The following NCAM2 variants were observed in gnomAD, a reference collection of about 807,000 sequenced individuals.
NCAM2 encodes the protein neural cell adhesion molecule 2.
A neutral mutation model predicts 98.1 loss-of-function variants in NCAM2; 30 were observed. The ratio of observed to expected loss-of-function variants is 0.31; its 90% CI spans 0.23 to 0.41. NCAM2 has a LOEUF of 0.41. NCAM2 is among the 10% of genes least tolerant of loss of function. NCAM2 has a pLI of 1.00. For missense variants in NCAM2, 867 were observed against 1,005.8 expected, an observed-to-expected ratio of 0.86 and a Z score of 1.87; for synonymous variants, 368 against 342.4, an observed-to-expected ratio of 1.07 and a Z score of -0.83.
At chr21:21,167,530 T>G (rs963673535) in intron 1 of NCAM2, among the ~76,000 whole-genome samples, 6 of 152,006 alleles carry the variant, frequency 3.9e-5, no homozygotes, top group African/African-American at 9.7e-5. Context: ...AAAATCAATG[T>G]TTAATAAGAT....
chr21:21,215,026 A>T (rs1017903052), intron 1 of NCAM2, among the ~76,000 whole-genome samples: 15 of 151,966 alleles, frequency 9.9e-5, no homozygotes, highest in African/African-American at 3.6e-4. Flanking sequence ...AAGTCTTTTG[A>T]ATACATTTAG....
chr21:21,471,445 A>T (rs2146234668), intron 14 of NCAM2, among the ~76,000 whole-genome samples: 1 of 152,026 alleles, frequency 6.6e-6, no homozygotes, highest in African/African-American at 2.4e-5. Context: ...AACCACATGA[A>T]CTCCACAGTG....
chr21:21,001,001 A>T (rs73228134), intron 1 of NCAM2, among the ~76,000 whole-genome samples: 7,572 of 152,276 alleles, frequency 0.05, 219 homozygotes, highest in Non-Finnish European at 0.058. Context: ...AAATACTAAA[A>T]TCTCAGCTTG....
At chr21:21,492,385 A>G (rs1484363249) in intron 15 of NCAM2, among the ~76,000 whole-genome samples, 1 of 151,882 alleles carries the variant, frequency 6.6e-6, no homozygotes, top group Non-Finnish European at 1.5e-5. Flanking sequence ...CTATGTGTAC[A>G]ACAACCACGG....
rs547451292 is a variant in NCAM2 at position 21,000,607 on chromosome 21, A to C, written c.55+1989A>C. ...GACAAGCATCTCTGAAGGGGAGCCC[A>C]TATTCACTGTAATGAAACAGGGTAG... On this transcript the variant is annotated intron_variant, in intron 1 of 17. Transcript: ENST00000400546. Among the ~76,000 whole-genome samples, 12 of 152,326 alleles carry C rather than the reference A, an allele frequency of 7.9e-5. No individual in the cohort carries two copies. In the South Asian group the frequency reaches 2.1e-3, roughly 26 times the overall value.
chr21:21,321,430 G>A (rs1054247351), intron 5 of NCAM2, among the ~76,000 whole-genome samples: 2 of 151,828 alleles, frequency 1.3e-5, no homozygotes, highest in African/African-American at 2.4e-5. Context: ...GGTCCCACTC[G>A]TCAATTTTTG....
chr21:21,343,906 C>A (rs1205843479), intron 8 of NCAM2, among the ~76,000 whole-genome samples: 1 of 152,132 alleles, frequency 6.6e-6, no homozygotes, highest in East Asian at 1.9e-4. Flanking sequence ...CATACAGATA[C>A]ACCAGCTGGG....
At position 21,341,968 on chromosome 21, in the gene NCAM2, A is replaced by G. The variant is rs2147892654; in HGVS notation, c.1044+3434A>G. On this transcript the variant is annotated intron_variant, in intron 8 of 17. Coordinates refer to ENST00000400546, the MANE Select transcript of NCAM2 (RefSeq NM_004540.5). Reference sequence around the variant, plus strand: ...TTGGGGTGGTCCTTTCTGAAAAGAAAAAAAGGAGTGGTTAGGAAGTGTATT... The same window carrying G: ...TTGGGGTGGTCCTTTCTGAAAAGAAGAAAAGGAGTGGTTAGGAAGTGTATT... Among the ~76,000 whole-genome samples, 3 of 152,246 alleles carry G rather than the reference A, an allele frequency of 2.0e-5. No individual in the cohort carries two copies. In the South Asian group the frequency reaches 6.2e-4, roughly 32 times the overall value.
intron 1 of NCAM2, among the ~76,000 whole-genome samples, chr21:21,277,607 TC>T (rs763637697): frequency 4.3e-4 from 65 of 152,172 alleles, no homozygotes; most frequent in Non-Finnish European, 7.7e-4. Context: ...TCCTAGGTGA[TC>T]ATAGCTGCAG....
intron 8 of NCAM2, among the ~76,000 whole-genome samples, chr21:21,349,190 G>C (rs185608493): frequency 6.6e-6 from 1 of 151,906 alleles, no homozygotes; most frequent in Non-Finnish European, 1.5e-5. Context: ...TACCTGACAA[G>C]GGATTAACCA....
At chr21:21,265,411 TA>T (rs200185044) in intron 1 of NCAM2, among the ~76,000 whole-genome samples, 1,130 of 59,654 alleles carry the variant, frequency 0.019, 40 homozygotes, top group African/African-American at 0.057. Flanking sequence ...TATATATGTG[TA>T]TATATAATAT....
chr21:21,337,753 T>C (rs1350031730), intron 7 of NCAM2, among the ~76,000 whole-genome samples: 1 of 151,946 alleles, frequency 6.6e-6, no homozygotes, highest in Admixed American at 6.6e-5. Context: ...TGATTAAAAA[T>C]TAGTTACGTT....
intron 1 of NCAM2, among the ~76,000 whole-genome samples, chr21:21,071,754 G>T (rs1260559813): frequency 1.3e-5 from 2 of 152,080 alleles, no homozygotes; most frequent in African/African-American, 4.8e-5. Context: ...TAATTAAAAT[G>T]GCATTTTAAT....
intron 1 of NCAM2, among the ~76,000 whole-genome samples, chr21:21,162,868 C>G (rs1250592534): frequency 6.6e-6 from 1 of 151,942 alleles, no homozygotes; most frequent in Non-Finnish European, 1.5e-5. Flanking sequence ...GTGAAGAAAC[C>G]GGATTGATGT....
intron 1 of NCAM2, among the ~76,000 whole-genome samples, chr21:21,093,889 C>T (rs1166491908): frequency 6.6e-6 from 1 of 151,988 alleles, no homozygotes; most frequent in Non-Finnish European, 1.5e-5. Context: ...AATGCTCACA[C>T]TTTCCTTCTT....
At position 21,468,711 on chromosome 21, in the gene NCAM2, C is replaced by T. The variant is rs1984044752; in HGVS notation, c.1824C>T (p.Ser608=). 1 of 1,611,868 alleles carries T rather than the reference C, an allele frequency of 6.2e-7. No homozygotes were observed. The highest frequency in any genetic ancestry group is 8.5e-7 in the Non-Finnish European group (1 of 1,178,674). ...SIHGQPSSGK[S]FKLSITKQDD... Reference sequence around the variant, plus strand: ...ATGGACAGCCAAGCAGTGGAAAGAGCTTTAAACTCAGCATCACCAAACAGG... The same window carrying T: ...ATGGACAGCCAAGCAGTGGAAAGAGTTTTAAACTCAGCATCACCAAACAGG... The change falls in exon 14 of 18, where the codon AGC becomes AGT. Residue 608 remains serine (S), a synonymous_variant. Transcript: ENST00000400546.
chr21:21,047,819 C>T (rs907145932), intron 1 of NCAM2, among the ~76,000 whole-genome samples: 4 of 151,914 alleles, frequency 2.6e-5, no homozygotes, highest in African/African-American at 9.7e-5. Context: ...TTTTTTTCAT[C>T]TTGCCCAAAT....
chr21:21,492,377 A>G (rs1379231706), intron 15 of NCAM2, among the ~76,000 whole-genome samples: 2 of 151,876 alleles, frequency 1.3e-5, no homozygotes, highest in Non-Finnish European at 2.9e-5. Flanking sequence ...AGGAAAGGCT[A>G]TGTGTACAAC....
intron 1 of NCAM2, among the ~76,000 whole-genome samples, chr21:21,086,931 C>CTTTT (rs377452899): frequency 1.4e-5 from 2 of 144,370 alleles, no homozygotes; most frequent in African/African-American, 5.1e-5. Flanking sequence ...TGAATTTCAT[C>CTTTT]TTTTTTTTTT....
Sources: allele counts gnomAD v4.1 joint callset (sites outside exome capture counted in the v4.1 genomes callset), GRCh38; gene constraint gnomAD v4.1.1; transcripts MANE v1.5; gene names NCBI Gene and HGNC (gene_info 2026-07-23, HGNC 2026-07-21).